Variants in FSHR observed in about 807,000 individuals in gnomAD.
The protein encoded by FSHR is follicle-stimulating hormone receptor.
Under a neutral mutation model 52.1 loss-of-function variants are expected in FSHR, and 46 were observed. That is an observed-to-expected ratio of 0.88 (90% confidence interval 0.70 to 1.13). The LOEUF is 1.13. FSHR is among the 50% of genes most tolerant of loss of function. FSHR has a pLI of 0.00. For synonymous variants in FSHR, 399 were observed against 309.6 expected, an observed-to-expected ratio of 1.29 and a Z score of -3.03; for missense variants, 964 against 834.6, an observed-to-expected ratio of 1.16 and a Z score of -1.91.
Position 49,146,527 on chromosome 2 carries a change from G to A in FSHR, c.152+7739C>T, listed in dbSNP as rs747813109. Among the ~76,000 whole-genome samples, 13 of 151,952 alleles carry A rather than the reference G, an allele frequency of 8.6e-5. No homozygotes were observed. The South Asian group carries it at 1.9e-3, about 22-fold the overall frequency. ...CAAGAGAAAGAGATGTTTGTGTGGG[G>A]TTTTTCCATGCTGCATCTCAAAATA... On this transcript the variant is annotated intron_variant, in intron 1 of 9. Coordinates refer to ENST00000406846, the MANE Select transcript of FSHR (RefSeq NM_000145.4).
chr2:49,079,345 A>G (rs1189660388), intron 1 of FSHR, among the ~76,000 whole-genome samples: 1 of 152,004 alleles, frequency 6.6e-6, no homozygotes, highest in Non-Finnish European at 1.5e-5. Context: ...CATCTAAAGC[A>G]CAGTTGTTTT....
intron 2 of FSHR, among the ~76,000 whole-genome samples, chr2:49,047,159 A>C (rs759141005): frequency 4.2e-4 from 64 of 152,298 alleles, no homozygotes; most frequent in East Asian, 1.9e-4. Context: ...TTGGTGCTGC[A>C]GTAAACCACC....
intron 3 of FSHR, 105 bp from the exon 4 acceptor site, chr2:49,017,668 A>T (rs1667537190): frequency 2.5e-6 from 2 of 801,152 alleles, no homozygotes; most frequent in East Asian, 5.3e-5. Flanking sequence ...CCATCCACTC[A>T]TCCACCCATC....
chr2:49,101,068 G>A (rs1558441521), intron 1 of FSHR, among the ~76,000 whole-genome samples: 1 of 152,146 alleles, frequency 6.6e-6, no homozygotes, highest in African/African-American at 2.4e-5. Context: ...AGAGGTCATT[G>A]GTGACTTTAT....
Position 48,970,058 on chromosome 2 carries a change from T to C in FSHR, c.669-1175A>G, listed in dbSNP as rs140257750. ...AGAGTCTTTTAATGTTGGCATTCCC[T>C]GTAAATCAAAGCAGTAGGCACTCAG... On this transcript the variant is annotated intron_variant, in intron 8 of 9. Transcript: ENST00000406846. Among the ~76,000 whole-genome samples the C allele has an allele frequency of 2.8e-3, 430 of 152,346 alleles. 2 individuals are homozygous for C. Among genetic ancestry groups the C allele is most frequent in the African/African-American group, 0.01 (420 of 41,572 alleles).
chr2:49,141,576 C>T (rs962221520), intron 1 of FSHR, among the ~76,000 whole-genome samples: 2 of 152,164 alleles, frequency 1.3e-5, no homozygotes, highest in Non-Finnish European at 2.9e-5. Flanking sequence ...CACCAGGCCC[C>T]ACCTCCAACA....
chr2:49,045,137 G>T (rs951899903), intron 2 of FSHR, among the ~76,000 whole-genome samples: 1 of 152,154 alleles, frequency 6.6e-6, no homozygotes, highest in Admixed American at 6.5e-5. Flanking sequence ...AGTGAATTAT[G>T]TGTTTGTTAT....
At chr2:48,979,831 G>C (rs1675166898) in intron 8 of FSHR, among the ~76,000 whole-genome samples, 1 of 152,122 alleles carries the variant, frequency 6.6e-6, no homozygotes, top group East Asian at 1.9e-4. Context: ...GTGTGTGTGT[G>C]GGAGCGGGGA....
At chr2:49,021,806 A>C (rs1426771636) in intron 2 of FSHR, among the ~76,000 whole-genome samples, 2 of 143,882 alleles carry the variant, frequency 1.4e-5, no homozygotes, top group Non-Finnish European at 3.0e-5. Flanking sequence ...GCACAGTTGA[A>C]CATAAATAAG....
At chr2:49,082,990 G>A (rs1328937739) in intron 1 of FSHR, among the ~76,000 whole-genome samples, 5 of 151,538 alleles carry the variant, frequency 3.3e-5, no homozygotes, top group African/African-American at 9.7e-5. Context: ...AGGAAATACA[G>A]AGAACGCCAC....
chr2:48,968,581 G>T, intron 9 of FSHR, 117 bp downstream of exon 9: 2 of 1,213,798 alleles, frequency 1.6e-6, no homozygotes, highest in Non-Finnish European at 2.4e-6. Context: ...GTGCCAAAGG[G>T]CTTGAGACAG....
chr2:48,998,261 G>T (rs11125193), intron 4 of FSHR, among the ~76,000 whole-genome samples: 2 of 151,644 alleles, frequency 1.3e-5, no homozygotes, highest in African/African-American at 4.8e-5. Context: ...GTGAAAGGTG[G>T]TATATTAATG....
intron 9 of FSHR, among the ~76,000 whole-genome samples, chr2:48,967,479 A>G (rs1674529692): frequency 6.6e-6 from 1 of 152,140 alleles, no homozygotes; most frequent in Non-Finnish European, 1.5e-5. Context: ...CTCACTCTGG[A>G]TAGAATAATT....
intron 1 of FSHR, among the ~76,000 whole-genome samples, chr2:49,109,099 T>G (rs1375268049): frequency 1.3e-5 from 2 of 148,980 alleles, no homozygotes; most frequent in Admixed American, 1.3e-4. Context: ...ATGCAGGGAA[T>G]ATCTTGGAGA....
intron 3 of FSHR, among the ~76,000 whole-genome samples, chr2:49,019,293 T>A (rs911821334): frequency 3.3e-5 from 5 of 152,224 alleles, no homozygotes; most frequent in African/African-American, 4.8e-5. Flanking sequence ...TTTTCCTTTT[T>A]AAAAATACCT....
chr2:49,092,695 C>T (rs534245360), intron 1 of FSHR, among the ~76,000 whole-genome samples: 1 of 152,208 alleles, frequency 6.6e-6, no homozygotes, highest in South Asian at 2.1e-4. Context: ...GAGACGGAGT[C>T]TCCCTCTGTC....
chr2:49,102,146 C>T (rs973509514), intron 1 of FSHR, among the ~76,000 whole-genome samples: 1 of 152,066 alleles, frequency 6.6e-6, no homozygotes, highest in Non-Finnish European at 1.5e-5. Context: ...CACATATAGT[C>T]CAGGATTATA....
chr2:49,150,159 A>T (rs1673010753), intron 1 of FSHR, among the ~76,000 whole-genome samples: 2 of 151,978 alleles, frequency 1.3e-5, no homozygotes, highest in African/African-American at 4.8e-5. Context: ...AAGATAAGTC[A>T]GAAACCAAAA....
At chr2:48,973,068 T>C (rs1291309679) in intron 8 of FSHR, among the ~76,000 whole-genome samples, 3 of 152,202 alleles carry the variant, frequency 2.0e-5, no homozygotes, top group Non-Finnish European at 4.4e-5. Flanking sequence ...ATGATAGAAA[T>C]GTTGCTATTC....
Sources: allele counts gnomAD v4.1 joint callset (sites outside exome capture counted in the v4.1 genomes callset), GRCh38; gene constraint gnomAD v4.1.1; transcripts MANE v1.5; gene names NCBI Gene and HGNC (gene_info 2026-07-23, HGNC 2026-07-21).